The following CCSER1 variants were observed in gnomAD, a reference collection of about 807,000 sequenced individuals.
CCSER1 encodes the protein serine-rich coiled-coil domain-containing protein 1.
In CCSER1, 41 loss-of-function variants were observed where a neutral mutation model predicts 82.0. The observed-to-expected ratio is 0.50, with a 90% CI of 0.39 to 0.65. CCSER1 has a LOEUF of 0.65. Among genes scored for constraint, CCSER1 ranks in the 30% least tolerant of loss-of-function variants. The pLI is 0.00. For synonymous variants in CCSER1, 414 were observed against 383.9 expected (o/e 1.08, Z -0.92); for missense variants, 1,119 against 1,064.2 (o/e 1.05, Z -0.72).
chr4:90,256,785 T>C (rs1474757922), intron 1 of CCSER1, among the ~76,000 whole-genome samples: 1 of 152,158 alleles, frequency 6.6e-6, no homozygotes, highest in Non-Finnish European at 1.5e-5. Context: ...TTTCCACGAC[T>C]TAAGTTATCT....
intron 7 of CCSER1, among the ~76,000 whole-genome samples, chr4:90,792,436 G>A (rs553501652): frequency 6.6e-6 from 1 of 152,098 alleles, no homozygotes; most frequent in East Asian, 1.9e-4. Context: ...GTATTCCCAA[G>A]CACTGCCCAA....
At chr4:90,954,063 C>CTG (rs3043067) in intron 9 of CCSER1, among the ~76,000 whole-genome samples, 115,230 of 151,624 alleles carry the variant, frequency 0.76, 44,323 homozygotes, top group Non-Finnish European at 0.82. Flanking sequence ...TTGATTTTTA[C>CTG]ATAAATACTT....
At chr4:91,124,054 G>GT (rs1178477097) in intron 10 of CCSER1, among the ~76,000 whole-genome samples, 2 of 151,662 alleles carry the variant, frequency 1.3e-5, no homozygotes, top group Non-Finnish European at 3.0e-5. Flanking sequence ...ATGATTGTAT[G>GT]TTTTTTATGA....
chr4:90,827,365 A>T (rs190819898), intron 8 of CCSER1, among the ~76,000 whole-genome samples: 1 of 152,324 alleles, frequency 6.6e-6, no homozygotes, highest in East Asian at 1.9e-4. Context: ...AACTGGTCTG[A>T]TCAGGTTGGG....
chr4:91,020,239 A>G (rs2150524521), intron 9 of CCSER1, among the ~76,000 whole-genome samples: 1 of 152,360 alleles, frequency 6.6e-6, no homozygotes, highest in African/African-American at 2.4e-5. Context: ...TCAATGTCAT[A>G]GATGTTGCTA....
intron 7 of CCSER1, among the ~76,000 whole-genome samples, chr4:90,776,710 C>T (rs1050738558): frequency 7.2e-5 from 11 of 152,282 alleles, no homozygotes; most frequent in Admixed American, 3.9e-4. Flanking sequence ...ATGTTTACAA[C>T]AACCTTATTA....
At chr4:90,263,491 T>C (rs1724701696) in intron 1 of CCSER1, among the ~76,000 whole-genome samples, 1 of 152,174 alleles carries the variant, frequency 6.6e-6, no homozygotes. Flanking sequence ...GTTATAATCA[T>C]AGTGAACTTG....
intron 9 of CCSER1, among the ~76,000 whole-genome samples, chr4:90,950,924 CTAGTGTGA>C (rs1732840747): frequency 1.3e-5 from 2 of 152,036 alleles, no homozygotes; most frequent in East Asian, 3.9e-4. Context: ...TAATCACAAA[CTAGTGTGA>C]TATCTTTTAT....
At chr4:91,094,286 G>C (rs1246537240) in intron 10 of CCSER1, among the ~76,000 whole-genome samples, 4 of 152,166 alleles carry the variant, frequency 2.6e-5, no homozygotes, top group Non-Finnish European at 5.9e-5. Context: ...GTACTGAGTA[G>C]TAACACCTGA....
intron 5 of CCSER1, among the ~76,000 whole-genome samples, chr4:90,496,971 CAA>C (rs771281710): frequency 0.045 from 2,451 of 55,010 alleles, 10 homozygotes; most frequent in African/African-American, 0.12. Context: ...AGCGAGACTA[CAA>C]AAAAAAAAAA....
At chr4:90,481,657 T>C (rs1230773624) in intron 5 of CCSER1, among the ~76,000 whole-genome samples, 2 of 152,258 alleles carry the variant, frequency 1.3e-5, no homozygotes, top group African/African-American at 2.4e-5. Context: ...GTTCTGTTTA[T>C]ATGCTGGATT....
chr4:91,116,434 C>T (rs6848271), intron 10 of CCSER1, among the ~76,000 whole-genome samples: 19 of 152,078 alleles, frequency 1.2e-4, no homozygotes, highest in African/African-American at 2.4e-4. Flanking sequence ...AGAATGCCCG[C>T]GAACAAATCC....
chr4:91,200,485 A>G (rs1296891959), intron 10 of CCSER1, among the ~76,000 whole-genome samples: 1 of 152,126 alleles, frequency 6.6e-6, no homozygotes, highest in African/African-American at 2.4e-5. Flanking sequence ...GGGGGGCCAC[A>G]TCTTAGAAGT....
At chr4:90,410,912 A>G (rs1278285383) in intron 4 of CCSER1, among the ~76,000 whole-genome samples, 1 of 152,250 alleles carries the variant, frequency 6.6e-6, no homozygotes, top group African/African-American at 2.4e-5. Context: ...AGAAGAATCA[A>G]ATAGACACAA....
At chr4:90,897,791 AT>A (rs1444778783) in intron 8 of CCSER1, among the ~76,000 whole-genome samples, 1 of 151,968 alleles carries the variant, frequency 6.6e-6, no homozygotes, top group East Asian at 1.9e-4. Flanking sequence ...AACATTTGTT[AT>A]TTTTCAACTT....
chr4:90,956,120 G>A (rs566041500), intron 9 of CCSER1, among the ~76,000 whole-genome samples: 5 of 152,214 alleles, frequency 3.3e-5, no homozygotes, highest in African/African-American at 9.6e-5. Flanking sequence ...AATATTTAAA[G>A]TGGGTAAAAT....
At chr4:90,381,377 T>C (rs771425566) in intron 3 of CCSER1, among the ~76,000 whole-genome samples, 2 of 152,208 alleles carry the variant, frequency 1.3e-5, no homozygotes, top group Non-Finnish European at 2.9e-5. Flanking sequence ...ATTTTGGAAC[T>C]AATGGTATAT....
intron 10 of CCSER1, among the ~76,000 whole-genome samples, chr4:91,568,553 TTTTG>T (rs1346492271): frequency 4.6e-5 from 7 of 152,146 alleles, no homozygotes; most frequent in South Asian, 2.1e-4. Context: ...TCATTTTTAT[TTTTG>T]TTTATTTTTG....
At chr4:91,388,346 G>A (rs1751434675) in intron 10 of CCSER1, among the ~76,000 whole-genome samples, 2 of 152,126 alleles carry the variant, frequency 1.3e-5, no homozygotes, top group South Asian at 4.1e-4. Flanking sequence ...ATCAAATTAT[G>A]GATATATAAT....
Sources: allele counts gnomAD v4.1 joint callset (sites outside exome capture counted in the v4.1 genomes callset), GRCh38; gene constraint gnomAD v4.1.1; transcripts MANE v1.5; gene names NCBI Gene and HGNC (gene_info 2026-07-23, HGNC 2026-07-21).